Variants in CADPS2 observed in about 807,000 individuals in gnomAD.
The protein encoded by CADPS2 is calcium dependent secretion activator 2, also known as calcium-dependent secretion activator 2.
A neutral mutation model predicts 172.5 loss-of-function variants in CADPS2; 93 were observed. That is an observed-to-expected ratio of 0.54 (90% CI 0.46 to 0.64). CADPS2 has a LOEUF of 0.64. CADPS2 is among the 30% of genes least tolerant of loss of function. The probability of loss-of-function intolerance (pLI) is 0.00; values close to 1 mark genes in which losing one functional copy is unlikely to be tolerated. For synonymous variants in CADPS2, 546 were observed against 555.2 expected (o/e 0.98, Z 0.23); for missense variants, 1,420 against 1,565.9 (o/e 0.91, Z 1.57).
intron 1 of CADPS2, among the ~76,000 whole-genome samples, chr7:122,805,185 G>T (rs1033674273): frequency 3.9e-5 from 6 of 152,198 alleles, no homozygotes; most frequent in Middle Eastern, 3.4e-3. Flanking sequence ...TATTGAGAAG[G>T]ATTCTTGCTC....
At chr7:122,477,889 C>G (rs1368498140) in intron 12 of CADPS2, among the ~76,000 whole-genome samples, 1 of 152,162 alleles carries the variant, frequency 6.6e-6, no homozygotes, top group African/African-American at 2.4e-5. Context: ...CTTGTTCATC[C>G]TACACATCTG....
At chr7:122,750,681 T>C (rs1339795860) in intron 1 of CADPS2, among the ~76,000 whole-genome samples, 1 of 152,150 alleles carries the variant, frequency 6.6e-6, no homozygotes, top group Non-Finnish European at 1.5e-5. Context: ...TGATCATTTT[T>C]AAAGAAAGAA....
At chr7:122,574,023 A>G (rs1032428669) in intron 7 of CADPS2, among the ~76,000 whole-genome samples, 2 of 152,108 alleles carry the variant, frequency 1.3e-5, no homozygotes, top group African/African-American at 4.8e-5. Flanking sequence ...TGGCAAAAAA[A>G]ATGTTTATCT....
chr7:122,494,916 G>A (rs770781515), intron 9 of CADPS2, among the ~76,000 whole-genome samples: 6 of 151,244 alleles, frequency 4.0e-5, no homozygotes, highest in Non-Finnish European at 7.4e-5. Context: ...TCACTTAAAG[G>A]TTTCAGTTTC....
chr7:122,853,427 C>A (rs1326077519), intron 1 of CADPS2, among the ~76,000 whole-genome samples: 2 of 152,192 alleles, frequency 1.3e-5, no homozygotes, highest in Admixed American at 1.3e-4. Context: ...CCAGGCAGCT[C>A]CCTTGTTGGC....
intron 1 of CADPS2, among the ~76,000 whole-genome samples, chr7:122,788,357 A>T (rs1794529520): frequency 6.6e-6 from 1 of 152,166 alleles, no homozygotes; most frequent in African/African-American, 2.4e-5. Flanking sequence ...TCGATTTATC[A>T]CCTAGAGCTT....
chr7:122,720,869 AT>A lies in CADPS2; in HGVS notation c.453+16085del, dbSNP rs2090314613. On this transcript the variant is annotated intron_variant, in intron 2 of 29. Coordinates refer to ENST00000449022, the MANE Select transcript of CADPS2 (RefSeq NM_017954.11). Reference sequence around the variant, plus strand: ...ATTTACCGACATAAAGCTGGGGTGTATTTTTTTGTACATCAAAAATGGCCAA... The same window carrying A: ...ATTTACCGACATAAAGCTGGGGTGTATTTTTTGTACATCAAAAATGGCCAA... Among the ~76,000 whole-genome samples, 9 of 152,076 alleles carry A rather than the reference AT, an allele frequency of 5.9e-5. No homozygotes were observed. In the South Asian group the frequency reaches 1.9e-3, roughly 32 times the overall value.
intron 2 of CADPS2, among the ~76,000 whole-genome samples, chr7:122,705,571 CTATATTATATATTAT>C (rs1564120644): frequency 5.3e-5 from 5 of 93,472 alleles, no homozygotes; most frequent in Non-Finnish European, 5.9e-5. Context: ...TATATATTAT[CTATATTATATATTAT>C]ATAATATATT....
intron 7 of CADPS2, among the ~76,000 whole-genome samples, chr7:122,567,129 A>C (rs1044635785): frequency 1.3e-5 from 2 of 152,180 alleles, no homozygotes; most frequent in African/African-American, 4.8e-5. Flanking sequence ...AGCCAGAAAT[A>C]ACAGTTAGTT....
chr7:122,354,640 A>C (rs1215587935), intron 27 of CADPS2, among the ~76,000 whole-genome samples: 9 of 152,116 alleles, frequency 5.9e-5, no homozygotes, highest in South Asian at 2.1e-4. Context: ...TAGTATTCCT[A>C]TCCGCAAAGC....
chr7:122,780,849 A>C (rs1225111703), intron 1 of CADPS2, among the ~76,000 whole-genome samples: 1 of 151,984 alleles, frequency 6.6e-6, no homozygotes, highest in Non-Finnish European at 1.5e-5. Flanking sequence ...ATTCCCTCTG[A>C]CAGCGTTTAT....
chr7:122,722,413 G>A (rs1301653368), intron 2 of CADPS2, among the ~76,000 whole-genome samples: 1 of 151,364 alleles, frequency 6.6e-6, no homozygotes, highest in East Asian at 1.9e-4. Flanking sequence ...CAAACAGAGA[G>A]CCAAATCATG....
intron 2 of CADPS2, among the ~76,000 whole-genome samples, chr7:122,686,753 C>T (rs1022006940): frequency 2.9e-5 from 4 of 137,098 alleles, no homozygotes; most frequent in African/African-American, 5.5e-5. Flanking sequence ...GGCACAATCT[C>T]GGCTCACTGC....
At chr7:122,495,283 T>C (rs1054068499) in intron 9 of CADPS2, among the ~76,000 whole-genome samples, 27 of 152,210 alleles carry the variant, frequency 1.8e-4, no homozygotes, top group African/African-American at 6.3e-4. Flanking sequence ...TGCCTATACA[T>C]ACTCACCCAA....
At chr7:122,859,618 T>C (rs1816368435) in intron 1 of CADPS2, among the ~76,000 whole-genome samples, 1 of 152,068 alleles carries the variant, frequency 6.6e-6, no homozygotes. Context: ...ACTACACTAT[T>C]ATAGTCATCC....
chr7:122,682,451 A>G (rs2083155171), intron 2 of CADPS2, among the ~76,000 whole-genome samples: 1 of 152,204 alleles, frequency 6.6e-6, no homozygotes, highest in Non-Finnish European at 1.5e-5. Context: ...TTTTCCATCT[A>G]TTCTATAAAG....
chr7:122,851,911 T>C (rs533615521), intron 1 of CADPS2, among the ~76,000 whole-genome samples: 159 of 152,250 alleles, frequency 1.0e-3, no homozygotes, highest in African/African-American at 3.5e-3. Context: ...CCTTACTGTA[T>C]AGACTATTTA....
chr7:122,515,842 AATAATT>A (rs532903891), intron 8 of CADPS2, among the ~76,000 whole-genome samples: 80 of 151,846 alleles, frequency 5.3e-4, no homozygotes, highest in Non-Finnish European at 1.1e-3. Context: ...AAAAAATAAT[AATAATT>A]ATATGTATTT....
chr7:122,702,241 T>G, intron 2 of CADPS2: 1 of 1,613,858 alleles, frequency 6.2e-7, no homozygotes, highest in Non-Finnish European at 8.5e-7. Flanking sequence ...TCACATAGAC[T>G]CCTTTCTGAA....
Sources: allele counts gnomAD v4.1 joint callset (sites outside exome capture counted in the v4.1 genomes callset), GRCh38; gene constraint gnomAD v4.1.1; transcripts MANE v1.5; gene names NCBI Gene and HGNC (gene_info 2026-07-23, HGNC 2026-07-21).